The following SLC7A11 variants were observed in gnomAD, a reference collection of about 807,000 sequenced individuals.
SLC7A11 encodes the protein solute carrier family 7 member 11.
Under a neutral mutation model 54.5 loss-of-function variants are expected in SLC7A11, and 35 were observed. The ratio of observed to expected loss-of-function variants is 0.64; its 90% CI spans 0.49 to 0.85. The LOEUF (loss-of-function observed/expected upper bound fraction) is 0.85, where lower values mean the gene tolerates loss of function less well. Among genes scored for constraint, SLC7A11 ranks in the 40% least tolerant of loss-of-function variants. The pLI, the probability that SLC7A11 is intolerant of heterozygous loss-of-function variation, is 0.00. For synonymous variants in SLC7A11, 230 were observed against 225.2 expected (o/e 1.02, Z -0.19); for missense variants, 583 against 618.1 (o/e 0.94, Z 0.60).
At chr4:138,191,937 A>C (rs1358709332) in intron 6 of SLC7A11, among the ~76,000 whole-genome samples, 5 of 152,278 alleles carry the variant, frequency 3.3e-5, no homozygotes, top group African/African-American at 1.2e-4. Context: ...ATACTAACAA[A>C]AAACTAAGAA....
chr4:138,186,142 G>A (rs985127799), intron 6 of SLC7A11, among the ~76,000 whole-genome samples: 1 of 152,052 alleles, frequency 6.6e-6, no homozygotes, highest in Non-Finnish European at 1.5e-5. Context: ...TTGATTCCAC[G>A]TTACCAATAC....
intron 6 of SLC7A11, among the ~76,000 whole-genome samples, chr4:138,209,731 A>G (rs1450423011): frequency 6.6e-6 from 1 of 152,080 alleles, no homozygotes; most frequent in African/African-American, 2.4e-5. Context: ...ACATTGTTGA[A>G]AGAAAACATA....
intron 4 of SLC7A11, 104 bp downstream of exon 4, chr4:138,223,095 G>T: frequency 2.0e-6 from 2 of 1,019,622 alleles, no homozygotes; most frequent in Non-Finnish European, 2.9e-6. Context: ...AAGTTCCACA[G>T]GCAGAGACTA....
chr4:138,225,812 A>G (rs1423796937), intron 3 of SLC7A11, among the ~76,000 whole-genome samples: 3 of 152,086 alleles, frequency 2.0e-5, no homozygotes, highest in African/African-American at 7.2e-5. Flanking sequence ...TGTATTTATG[A>G]AAGTTCTTTC....
intron 4 of SLC7A11, among the ~76,000 whole-genome samples, chr4:138,222,589 A>C (rs1288711051): frequency 6.6e-6 from 1 of 152,228 alleles, no homozygotes; most frequent in African/African-American, 2.4e-5. Flanking sequence ...TTTTTAAATT[A>C]AATGTTAAAC....
At chr4:138,236,247 A>G (rs1738202798) in intron 2 of SLC7A11, 78 bp downstream of exon 2, 3 of 1,294,686 alleles carry the variant, frequency 2.3e-6, no homozygotes, top group Middle Eastern at 2.0e-4. Context: ...CATGTGTCTA[A>G]CCAGTTAAAA....
At chr4:138,215,386 T>C (rs1737656396) in intron 5 of SLC7A11, among the ~76,000 whole-genome samples, 1 of 152,158 alleles carries the variant, frequency 6.6e-6, no homozygotes. Context: ...GTCCATCAGC[T>C]CTTAATATAC....
rs1244336229 is a variant in SLC7A11 at position 138,168,688 on chromosome 4, A to T, written c.*3268T>A. The stretch of plus-strand genomic sequence containing the variant: ...CCGTCATGCATTGCTAACGTAACCT[A>T]ATAAGCTGTCCAAATTTTGTGTCCA... On this transcript the variant is annotated 3_prime_UTR_variant, in exon 12 of 12. Transcript: ENST00000280612. 1 of 152,166 alleles carries T rather than the reference A, an allele frequency of 6.6e-6. No individual in the cohort carries two copies. The highest frequency in any genetic ancestry group is 1.5e-5 in the Non-Finnish European group (1 of 68,028). The allele number at this position is 152,166 out of a possible 1,614,324, so 9.4% of individuals were successfully genotyped here.
chr4:138,198,899 C>G (rs4285139), intron 6 of SLC7A11, among the ~76,000 whole-genome samples: 61,850 of 151,592 alleles, frequency 0.41, 13,482 homozygotes, highest in Middle Eastern at 0.6. Flanking sequence ...AGGTGATATA[C>G]GAAAATATAA....
At chr4:138,232,910 G>C (rs1738115937) in intron 2 of SLC7A11, among the ~76,000 whole-genome samples, 1 of 151,916 alleles carries the variant, frequency 6.6e-6, no homozygotes, top group East Asian at 1.9e-4. Context: ...AAAACTCAAA[G>C]TCAAGTGATT....
At chr4:138,234,895 T>C (rs1223563989) in intron 2 of SLC7A11, among the ~76,000 whole-genome samples, 1 of 152,210 alleles carries the variant, frequency 6.6e-6, no homozygotes, top group African/African-American at 2.4e-5. Context: ...TGCATTTGAA[T>C]GCTGAGTATG....
intron 5 of SLC7A11, among the ~76,000 whole-genome samples, chr4:138,216,818 G>T (rs1345205086): frequency 1.3e-5 from 2 of 152,118 alleles, no homozygotes; most frequent in African/African-American, 2.4e-5. Context: ...TATTAGGGGG[G>T]TATCAAACAT....
intron 6 of SLC7A11, among the ~76,000 whole-genome samples, chr4:138,211,573 T>C (rs1252439080): frequency 1.3e-5 from 2 of 151,724 alleles, no homozygotes; most frequent in East Asian, 3.9e-4. Flanking sequence ...ACTGAAGAGA[T>C]ACCTGCTTTC....
chr4:138,210,229 A>G (rs961328052), intron 6 of SLC7A11, among the ~76,000 whole-genome samples: 1 of 151,974 alleles, frequency 6.6e-6, no homozygotes, highest in East Asian at 1.9e-4. Flanking sequence ...ATCTTTGATC[A>G]CATACAAAAC....
chr4:138,185,351 A>G, intron 6 of SLC7A11, 107 bp from the exon 7 acceptor site: 4 of 1,253,850 alleles, frequency 3.2e-6, no homozygotes, highest in Non-Finnish European at 4.6e-6. Context: ...GGTATCTACA[A>G]TAATTATAGG....
At chr4:138,211,251 C>G (rs1372818337) in intron 6 of SLC7A11, among the ~76,000 whole-genome samples, 1 of 151,666 alleles carries the variant, frequency 6.6e-6, no homozygotes, top group Admixed American at 6.6e-5. Context: ...GTAAGGACGG[C>G]AAGAGTGGGG....
At chr4:138,184,058 T>A (rs2061379491) in intron 7 of SLC7A11, among the ~76,000 whole-genome samples, 2 of 152,118 alleles carry the variant, frequency 1.3e-5, no homozygotes, top group African/African-American at 4.8e-5. Flanking sequence ...AAAAAGAAAA[T>A]GTGTTGGATT....
chr4:138,241,678 A>C (rs558240967), intron 1 of SLC7A11, 115 bp downstream of exon 1: 2 of 804,084 alleles, frequency 2.5e-6, no homozygotes, highest in African/African-American at 1.7e-5. Context: ...AATTTTAAAA[A>C]TTTGGTGTGG....
intron 4 of SLC7A11, among the ~76,000 whole-genome samples, chr4:138,221,225 G>A (rs1422018646): frequency 1.3e-5 from 2 of 152,108 alleles, no homozygotes; most frequent in African/African-American, 2.4e-5. Context: ...ACAAAAGAGA[G>A]GCATTTTGTT....
Sources: gnomAD v4.1 joint callset for allele counts (sites outside exome capture counted in the v4.1 genomes callset) on GRCh38, gnomAD v4.1.1 for gene constraint, MANE v1.5 for transcripts, NCBI Gene and HGNC (gene_info 2026-07-23, HGNC 2026-07-21) for gene names.